GTPBP10: variants seen among roughly 807,000 people sequenced by gnomAD.
GTPBP10 encodes GTP-binding protein 10.
Under a neutral mutation model 44.8 loss-of-function variants are expected in GTPBP10, and 38 were observed. The ratio of observed to expected loss-of-function variants is 0.85; its 90% confidence interval spans 0.65 to 1.11. The LOEUF (loss-of-function observed/expected upper bound fraction) is 1.11, where lower values mean the gene tolerates loss of function less well. Among genes scored for constraint, GTPBP10 ranks in the 50% most tolerant of loss-of-function variants. GTPBP10 has a pLI of 0.00. For missense variants in GTPBP10, 462 were observed against 453.7 expected, an observed-to-expected ratio of 1.02 and a Z score of -0.17; for synonymous variants, 152 against 150.6, an observed-to-expected ratio of 1.01 and a Z score of -0.07.
In GTPBP10 at chr7:90,354,443, C is replaced by CTT; in HGVS notation, c.228-7_228-6dup. The CTT allele has an allele frequency of 7.3e-7, 1 of 1,366,206 alleles. No individual in the cohort carries two copies. The highest frequency in any genetic ancestry group is 2.1e-5 in the Admixed American group (1 of 47,518). 84.6% of individuals were successfully genotyped at this position (1,366,206 alleles called of 1,614,324 possible). On this transcript the variant is annotated splice_polypyrimidine_tract_variant and intron_variant, in intron 2 of 9. Transcript: ENST00000222511. ...ACACACACATACATACATATATATA[C>CTT]TTTTTTTTTGGTAGAATTAGTGCAC... is the stretch of plus-strand genomic sequence containing the variant.
At chr7:90,361,042 A>G (rs1796009624) in intron 4 of GTPBP10, among the ~76,000 whole-genome samples, 1 of 152,192 alleles carries the variant, frequency 6.6e-6, no homozygotes, top group African/African-American at 2.4e-5. Flanking sequence ...GGCTGAGACG[A>G]TGGTGTTTTC....
At chr7:90,350,203 A>C (rs941746962) in intron 1 of GTPBP10, among the ~76,000 whole-genome samples, 2 of 152,164 alleles carry the variant, frequency 1.3e-5, no homozygotes, top group African/African-American at 4.8e-5. Flanking sequence ...GTTTGGTCAG[A>C]ATGATGGTTT....
Position 90,385,995 on chromosome 7 carries a change from G to A in GTPBP10, c.*841G>A, listed in dbSNP as rs1343675546. On this transcript the variant is annotated 3_prime_UTR_variant, in exon 10 of 10. Transcript: ENST00000222511. ...GAATTGCTTGAACGCGGGAGGTGGA[G>A]GATACAATGAACCCGAGGTCGCGCC... 1 of 151,966 alleles carries A rather than the reference G, an allele frequency of 6.6e-6. No individual in the cohort carries two copies. Among genetic ancestry groups the A allele is most frequent in the Non-Finnish European group, 1.5e-5 (1 of 68,006 alleles). 9.4% of individuals were successfully genotyped at this position (151,966 alleles called of 1,614,324 possible). A position where few individuals can be genotyped will look rare whatever the true frequency, so the allele number is the denominator to read the frequency against.
At chr7:90,377,989 C>T (rs1796371148) in intron 7 of GTPBP10, 145 bp from the exon 8 acceptor site, 1 of 1,107,564 alleles carries the variant, frequency 9.0e-7, no homozygotes, top group South Asian at 2.1e-5. Context: ...ACCTCGATTT[C>T]TGTTACTTAT....
intron 4 of GTPBP10, among the ~76,000 whole-genome samples, chr7:90,363,968 C>T (rs887684559): frequency 7.9e-5 from 12 of 152,194 alleles, no homozygotes; most frequent in Non-Finnish European, 1.6e-4. Context: ...GTTCTCATGC[C>T]ATGGTTTGCA....
chr7:90,365,368 CTTTT>C (rs59645149), intron 4 of GTPBP10, among the ~76,000 whole-genome samples: 6 of 90,364 alleles, frequency 6.6e-5, no homozygotes, highest in Non-Finnish European at 1.2e-4. Context: ...TTGGGGTTTT[CTTTT>C]TTTTTTTTTT....
In GTPBP10 at chr7:90,355,107, A is replaced by G. The variant is rs1421224788; in HGVS notation, c.341A>G (p.Asp114Gly). ...KIIGELNKEN[D>G]RILVAQGGLG... ...TAAGGAGAACTCAATAAAGAAAATG[A>G]CAGAATTTTGGTAGCTCAAGGAGGT... is the stretch of plus-strand genomic sequence containing the variant. The change falls in exon 4 of 10, where the codon GAC becomes GGC. Residue 114 changes from aspartate to glycine, a missense_variant. By Grantham distance (94) the Asp-to-Gly change is moderately conservative (BLOSUM62 -1). Transcript: ENST00000222511. 1.9e-6 allele frequency: 3 copies of G among 1,589,740 alleles called. No individual in the cohort carries two copies. The highest frequency in any genetic ancestry group is 3.4e-5 in the Admixed American group (2 of 58,378).
In GTPBP10 at chr7:90,386,648, T is replaced by C. The variant is rs1449576063; in HGVS notation, c.*1494T>C. On this transcript the variant is annotated 3_prime_UTR_variant, in exon 10 of 10. Transcript: ENST00000222511. ...AGGATTGCTTGAGCCCAGGAGTTCA[T>C]GCCTGAGCAACATAGCAAGACCCTG... 1.3e-5 allele frequency: 2 copies of C among 152,170 alleles called. No homozygotes were observed. Among genetic ancestry groups the C allele is most frequent in the Non-Finnish European group, 2.9e-5 (2 of 68,032 alleles). 9.4% of individuals were successfully genotyped at this position (152,170 alleles called of 1,614,324 possible). A position where few individuals can be genotyped will look rare whatever the true frequency, so the allele number is the denominator to read the frequency against.
chr7:90,365,437 G>A (rs13308770), intron 4 of GTPBP10, among the ~76,000 whole-genome samples: 9,533 of 141,758 alleles, frequency 0.067, 347 homozygotes, highest in South Asian at 0.16. Context: ...GTGCAGTGGC[G>A]GGATCTCGGC....
chr7:90,359,130 T>C (rs1463205511), intron 4 of GTPBP10, among the ~76,000 whole-genome samples: 1 of 152,042 alleles, frequency 6.6e-6, no homozygotes, highest in Non-Finnish European at 1.5e-5. Flanking sequence ...ACTCATACTT[T>C]TTTTTTTTCT....
At chr7:90,377,939 A>T (rs1236344251) in intron 7 of GTPBP10, 195 bp from the exon 8 acceptor site, 1 of 500,174 alleles carries the variant, frequency 2.0e-6, no homozygotes, top group Non-Finnish European at 2.6e-6. Flanking sequence ...TATTTTATTA[A>T]TAACTGTAAT....
intron 5 of GTPBP10, 62 bp downstream of exon 5, chr7:90,372,290 C>A: frequency 9.1e-7 from 1 of 1,098,540 alleles, no homozygotes; most frequent in Non-Finnish European, 1.3e-6. Flanking sequence ...ACTAATATTT[C>A]TCTGAGAATG....
At chr7:90,364,747 G>A (rs1197942453) in intron 4 of GTPBP10, among the ~76,000 whole-genome samples, 2 of 152,196 alleles carry the variant, frequency 1.3e-5, no homozygotes, top group African/African-American at 4.8e-5. Context: ...CTAGAGGCAA[G>A]CAGTCCTTGA....
At chr7:90,350,766 A>G (rs1009273605) in intron 1 of GTPBP10, among the ~76,000 whole-genome samples, 1 of 152,120 alleles carries the variant, frequency 6.6e-6, no homozygotes, top group Non-Finnish European at 1.5e-5. Context: ...CTTTTTTTAC[A>G]CTGATTCTTA....
At position 90,378,164 on chromosome 7, in the gene GTPBP10, C is replaced by G; in HGVS notation, c.730C>G (p.His244Asp). Residue 244 changes from histidine to aspartate, a missense_variant, in exon 8 of 10, where the codon CAC becomes GAC. Coordinates refer to ENST00000222511, the MANE Select transcript of GTPBP10 (RefSeq NM_033107.4). ...VDISGFQLSSHTQYRTAFETI... is the reference protein window; with the variant it reads ...VDISGFQLSSDTQYRTAFETI... ...TATTTCTGGATTTCAGCTTTCTTCT[C>G]ACACTCAATACAGGACAGCTTTTGA... The G allele has an allele frequency of 6.2e-7, 1 of 1,613,074 alleles. No homozygotes were observed. Among genetic ancestry groups the G allele is most frequent in the Non-Finnish European group, 8.5e-7 (1 of 1,179,512 alleles).
At chr7:90,383,521 C>T (rs1796468546) in intron 9 of GTPBP10, among the ~76,000 whole-genome samples, 1 of 152,102 alleles carries the variant, frequency 6.6e-6, no homozygotes, top group African/African-American at 2.4e-5. Context: ...GCAAAAGTAA[C>T]TCTATAGGTT....
At chr7:90,358,187 G>A (rs542893644) in intron 4 of GTPBP10, among the ~76,000 whole-genome samples, 1 of 152,166 alleles carries the variant, frequency 6.6e-6, no homozygotes, top group African/African-American at 2.4e-5. Flanking sequence ...TTTTACAATA[G>A]CTACAAAAAA....
intron 1 of GTPBP10, among the ~76,000 whole-genome samples, chr7:90,349,744 A>G (rs565914827): frequency 6.6e-6 from 1 of 152,190 alleles, no homozygotes; most frequent in Admixed American, 6.5e-5. Flanking sequence ...CTTTTGTAGC[A>G]TGTTTTCCAG....
intron 4 of GTPBP10, among the ~76,000 whole-genome samples, chr7:90,359,092 G>A (rs569162851): frequency 1.3e-5 from 2 of 151,672 alleles, no homozygotes; most frequent in African/African-American, 2.4e-5. Context: ...AAAACAATAC[G>A]TGCTGACATA....
Sources: allele counts gnomAD v4.1 joint callset (sites outside exome capture counted in the v4.1 genomes callset), GRCh38; gene constraint gnomAD v4.1.1; transcripts MANE v1.5; gene names NCBI Gene and HGNC (gene_info 2026-07-23, HGNC 2026-07-21).